Variants in PIEZO2 observed in about 807,000 individuals in gnomAD.
PIEZO2 encodes the protein piezo type mechanosensitive ion channel component 2.
In PIEZO2, 172 loss-of-function variants were observed where a neutral mutation model predicts 337.3. That is an observed-to-expected ratio of 0.51 (90% CI 0.45 to 0.58). The LOEUF (loss-of-function observed/expected upper bound fraction) is 0.58. Ranked by LOEUF, PIEZO2 falls within the 20% of genes least tolerant of loss-of-function variation. PIEZO2 has a pLI of 0.00. For missense variants in PIEZO2, 3,028 were observed against 3,391.3 expected (o/e 0.89, Z 2.66); for synonymous variants, 1,251 against 1,228.5 (o/e 1.02, Z -0.38).
chr18:10,917,253 A>G (rs1271125471), intron 3 of PIEZO2, among the ~76,000 whole-genome samples: 1 of 152,122 alleles, frequency 6.6e-6, no homozygotes, highest in Non-Finnish European at 1.5e-5. Flanking sequence ...GTTACTTTAA[A>G]TCAGACATCT....
intron 3 of PIEZO2, among the ~76,000 whole-genome samples, chr18:10,937,074 G>A (rs765767511): frequency 7.2e-5 from 11 of 152,172 alleles, no homozygotes; most frequent in Non-Finnish European, 1.2e-4. Flanking sequence ...CTGTCATCAA[G>A]AGAAATGAAT....
At chr18:10,728,727 G>C (rs1018273410) in intron 36 of PIEZO2, among the ~76,000 whole-genome samples, 6 of 151,804 alleles carry the variant, frequency 4.0e-5, no homozygotes, top group African/African-American at 1.5e-4. Flanking sequence ...AGGCCGAGGC[G>C]GGCGGATCAT....
chr18:11,010,696 T>A (rs1029533944), intron 2 of PIEZO2, among the ~76,000 whole-genome samples: 5 of 152,158 alleles, frequency 3.3e-5, no homozygotes, highest in African/African-American at 1.2e-4. Flanking sequence ...GCAAAGATAT[T>A]CAGGAACATC....
In PIEZO2 at chr18:10,942,241, A is replaced by G. The variant is rs970140723; in HGVS notation, c.287-31013T>C. Among the ~76,000 whole-genome samples the G allele has an allele frequency of 2.0e-5, 3 of 152,180 alleles. No homozygotes were observed. Among genetic ancestry groups the G allele is most frequent in the Non-Finnish European group, 2.9e-5 (2 of 68,028 alleles). ...AAAGATATCCCAAAATGTGAAAGCG[A>G]TTTTGGAACTGGGTAACATGCAGAG... On this transcript the variant is annotated intron_variant, in intron 3 of 55. Transcript: ENST00000674853. The surrounding 1 kb of genome is among the most constrained non-coding windows in gnomAD (Gnocchi z 4.4).
intron 4 of PIEZO2, among the ~76,000 whole-genome samples, chr18:10,879,824 A>G (rs567889689): frequency 2.0e-5 from 3 of 152,350 alleles, no homozygotes; most frequent in Non-Finnish European, 4.4e-5. Flanking sequence ...GCATTAAATT[A>G]TGGCATATCC....
intron 20 of PIEZO2, among the ~76,000 whole-genome samples, chr18:10,772,755 A>G (rs1286494487): frequency 6.6e-6 from 1 of 152,190 alleles, no homozygotes; most frequent in Non-Finnish European, 1.5e-5. Flanking sequence ...CTGTCAGATA[A>G]CATGTCCTGA....
At chr18:11,044,385 C>G (rs2037230032) in intron 2 of PIEZO2, among the ~76,000 whole-genome samples, 2 of 152,160 alleles carry the variant, frequency 1.3e-5, no homozygotes, top group Non-Finnish European at 2.9e-5. Context: ...TCAACTAACA[C>G]AGTACGGCAC....
rs11451534 is a variant in PIEZO2 at position 11,118,759 on chromosome 18, GA to G, written c.64+29765del. Among the ~76,000 whole-genome samples the G allele has an allele frequency of 1.3e-3, 194 of 150,708 alleles. 1 individual carries two copies. The Middle Eastern group carries it at 0.014, about 11-fold the overall frequency. The stretch of plus-strand genomic sequence containing the variant: ...CATCCTTTAGATCAGGTTAATTACA[GA>G]AAAAAAAACAGAGAGAGAGAGCGAC... On this transcript the variant is annotated intron_variant, in intron 1 of 55. Coordinates refer to ENST00000674853, the MANE Select transcript of PIEZO2 (RefSeq NM_001378183.1).
At chr18:10,710,595 C>T (rs961932747) in intron 39 of PIEZO2, among the ~76,000 whole-genome samples, 1 of 152,266 alleles carries the variant, frequency 6.6e-6, no homozygotes, top group Non-Finnish European at 1.5e-5. Flanking sequence ...AAAGGGACTA[C>T]AAATCCACTT....
At chr18:10,740,359 C>G (rs150126358) in intron 33 of PIEZO2, 1 of 152,222 alleles carries the variant, frequency 6.6e-6, no homozygotes, top group African/African-American at 2.4e-5. Flanking sequence ...GTTCATTGGT[C>G]GTCTCTGAGC....
chr18:10,681,459 T>A (rs2034261420), intron 51 of PIEZO2, among the ~76,000 whole-genome samples: 1 of 152,208 alleles, frequency 6.6e-6, no homozygotes. Flanking sequence ...AAATGTTTAT[T>A]ACCACTAATG....
At chr18:11,137,080 T>C (rs1284924883) in intron 1 of PIEZO2, among the ~76,000 whole-genome samples, 1 of 152,228 alleles carries the variant, frequency 6.6e-6, no homozygotes. Flanking sequence ...TTGTTCATGC[T>C]ATTCCCATCA....
chr18:11,113,234 C>T (rs1475755019), intron 1 of PIEZO2, among the ~76,000 whole-genome samples: 1 of 152,220 alleles, frequency 6.6e-6, no homozygotes, highest in Admixed American at 6.5e-5. Flanking sequence ...CCCTGTGTGA[C>T]TTAGATGGGA....
rs2038250889 is a variant in PIEZO2, at chr18:11,069,104, G to A, written c.65-2882C>T. 6.6e-6 allele frequency among the ~76,000 whole-genome samples: 1 copy of A among 151,600 alleles called. No homozygotes were observed. Among genetic ancestry groups the A allele is most frequent in the South Asian group, 2.1e-4 (1 of 4,820 alleles). ...TCATGAATTCTACCAAACATTTAAG[G>A]AGAAATAATATCAATTCTTCTCAAA... On this transcript the variant is annotated intron_variant, in intron 1 of 55. Transcript: ENST00000674853. This position sits in a 1 kb window ranked among gnomAD's most constrained non-coding sequence, Gnocchi z 4.9.
chr18:10,839,934 G>A (rs921975664), intron 7 of PIEZO2, among the ~76,000 whole-genome samples: 19 of 152,116 alleles, frequency 1.2e-4, no homozygotes, highest in Middle Eastern at 3.2e-3. Flanking sequence ...AGAAACAATT[G>A]GCTGAGTCTC....
rs955908128 is a variant in PIEZO2 at position 11,007,083 on chromosome 18, C to T, written c.161-27423G>A. ...GAGGTATACAATAAATTATTGTTAA[C>T]TATAGTCTCCTTATTTTGCTATCAA... On this transcript the variant is annotated intron_variant, in intron 2 of 55. Transcript: ENST00000674853. 5.9e-5 allele frequency among the ~76,000 whole-genome samples: 9 copies of T among 152,132 alleles called. No homozygotes were observed. In the East Asian group the frequency reaches 1.7e-3, roughly 29 times the overall value.
intron 33 of PIEZO2, chr18:10,737,805 T>C (rs575529265): frequency 6.6e-6 from 1 of 152,372 alleles, no homozygotes; most frequent in Non-Finnish European, 1.5e-5. Context: ...TTTCAAATTA[T>C]ATTCAGGTTT....
Position 10,959,973 on chromosome 18 carries a change from A to C in PIEZO2, c.286+19562T>G, listed in dbSNP as rs191272212. 1.6e-4 allele frequency among the ~76,000 whole-genome samples: 24 copies of C among 152,250 alleles called. 1 individual carries two copies. Among genetic ancestry groups the C allele is most frequent in the African/African-American group, 5.8e-4 (24 of 41,562 alleles). On this transcript the variant is annotated intron_variant, in intron 3 of 55. Transcript: ENST00000674853. ...TAACTGTTAAAACAGCTATATTCCT[A>C]CTGTCAGGGAACCTTAAATTTATTT...
chr18:11,146,774 T>C lies in PIEZO2; in HGVS notation c.64+1751A>G, dbSNP rs1599031185. Among the ~76,000 whole-genome samples the C allele has an allele frequency of 6.6e-6, 1 of 152,174 alleles. No individual in the cohort carries two copies. Among genetic ancestry groups the C allele is most frequent in the East Asian group, 1.9e-4 (1 of 5,164 alleles). On this transcript the variant is annotated intron_variant, in intron 1 of 55. Coordinates refer to ENST00000674853, the MANE Select transcript of PIEZO2 (RefSeq NM_001378183.1). The surrounding 1 kb of genome is among the most constrained non-coding windows in gnomAD (Gnocchi z 6.1). Reference sequence around the variant, plus strand: ...ACCGAGCTGGCTGCAGGGAACCACATGCCTAACTCTTCCAACAGTCACAGT... The same window carrying C: ...ACCGAGCTGGCTGCAGGGAACCACACGCCTAACTCTTCCAACAGTCACAGT...
Sources: allele counts gnomAD v4.1 joint callset (sites outside exome capture counted in the v4.1 genomes callset), GRCh38; gene constraint gnomAD v4.1.1; non-coding constraint Gnocchi (gnomAD v3.1); transcripts MANE v1.5; gene names NCBI Gene and HGNC (gene_info 2026-07-23, HGNC 2026-07-21).